Variants in SELENOI observed in about 807,000 individuals in gnomAD.
The protein encoded by SELENOI is ethanolaminephosphotransferase 1.
In SELENOI, 24 loss-of-function variants were observed where a neutral mutation model predicts 50.7. The ratio of observed to expected loss-of-function variants is 0.47; its 90% CI spans 0.34 to 0.67. SELENOI has a LOEUF of 0.67. Among genes scored for constraint, SELENOI ranks in the 30% least tolerant of loss-of-function variants. SELENOI has a pLI of 0.01. For synonymous variants in SELENOI, 155 were observed against 170.2 expected (o/e 0.91, Z 0.70); for missense variants, 352 against 461.4 (o/e 0.76, Z 2.17).
intron 1 of SELENOI, among the ~76,000 whole-genome samples, chr2:26,362,774 A>G (rs1224784804): frequency 6.6e-6 from 1 of 152,070 alleles, no homozygotes; most frequent in Non-Finnish European, 1.5e-5. Flanking sequence ...AAAAAAAAAG[A>G]AAAACTTTTT....
intron 6 of SELENOI, among the ~76,000 whole-genome samples, chr2:26,381,198 C>CTTTTTTTTTTTTTTTTTTTTTTTTT (rs57102834): frequency 6.6e-5 from 2 of 30,198 alleles, no homozygotes; most frequent in African/African-American, 3.6e-4. Context: ...TCAGTTTGGT[C>CTTTTTTTTTTTTTTTTTTTTTTTTT]TTTTTTTTTT....
In SELENOI at chr2:26,373,238, G is replaced by A. The variant is rs1677496736; in HGVS notation, c.311-129G>A. 23 of 1,115,192 alleles carry A rather than the reference G, an allele frequency of 2.1e-5. 1 individual carries two copies. In the South Asian group the frequency reaches 3.5e-4, roughly 17 times the overall value. 69.1% of individuals were successfully genotyped at this position (1,115,192 alleles called of 1,614,324 possible). ...AAATAATTAGATTTTTATAGTACCA[G>A]CTGATAGCTATACTTAACATTCCTG... is the stretch of plus-strand genomic sequence containing the variant. On this transcript the variant is annotated intron_variant, in intron 4 of 9. Transcript: ENST00000260585.
intron 6 of SELENOI, among the ~76,000 whole-genome samples, chr2:26,382,673 G>A (rs1210267810): frequency 3.3e-5 from 5 of 152,142 alleles, no homozygotes; most frequent in Non-Finnish European, 5.9e-5. Context: ...GTGTGCGAAT[G>A]GAAGTAGCTA....
rs1343455676 is a variant in SELENOI at position 26,367,188 on chromosome 2, T to C, written c.278T>C (p.Val93Ala). Residue 93 changes from valine (V) to alanine (A), a missense_variant, in exon 4 of 10, where the codon GTG (valine) becomes GCG (alanine). Transcript: ENST00000260585. ...KHVPDWVWIV[V>A]GILNFVAYTL... The stretch of plus-strand genomic sequence containing the variant: ...GTGCCTGACTGGGTTTGGATTGTAG[T>C]GGGCATCCTCAACTTCGTAGCCTAC... 6.2e-7 allele frequency: 1 copy of C among 1,611,006 alleles called. No individual in the cohort carries two copies. Among genetic ancestry groups the C allele is most frequent in the Admixed American group, 1.7e-5 (1 of 59,616 alleles).
intron 6 of SELENOI, among the ~76,000 whole-genome samples, chr2:26,376,653 GT>G (rs1366847503): frequency 6.6e-6 from 1 of 152,162 alleles, no homozygotes; most frequent in African/African-American, 2.4e-5. Flanking sequence ...ATAATATACA[GT>G]TTATTTACTT....
chr2:26,354,621 G>A (rs1677028915), intron 1 of SELENOI, among the ~76,000 whole-genome samples: 2 of 151,816 alleles, frequency 1.3e-5, no homozygotes, highest in Non-Finnish European at 2.9e-5. Flanking sequence ...TTGATCTCCT[G>A]ACTTCATGAT....
At position 26,391,833 on chromosome 2, in the gene SELENOI, T is replaced by G. The variant is rs1000546366; in HGVS notation, c.*2730T>G. On this transcript the variant is annotated 3_prime_UTR_variant, in exon 10 of 10. Transcript: ENST00000260585. ...GCTAATGCTGCCTTTTGTGATCCTT[T>G]AATATTATCCATGCTTTTATAAAGT... 5.3e-5 allele frequency: 8 copies of G among 152,204 alleles called. No individual in the cohort carries two copies. The South Asian group carries it at 1.7e-3, about 32-fold the overall frequency. The allele number at this position is 152,204 out of a possible 1,614,324, so 9.4% of individuals were successfully genotyped here.
intron 6 of SELENOI, among the ~76,000 whole-genome samples, chr2:26,377,625 C>G (rs2147958244): frequency 6.6e-6 from 1 of 151,554 alleles, no homozygotes; most frequent in Non-Finnish European, 1.5e-5. Context: ...GAGTCAGACC[C>G]TGTCTCAAAA....
chr2:26,373,755 T>C, intron 5 of SELENOI, 126 bp downstream of exon 5: 1 of 983,534 alleles, frequency 1.0e-6, no homozygotes, highest in Non-Finnish European at 1.4e-6. Context: ...AAATTTTTTA[T>C]TTTTATTTAT....
rs1290511785 is a variant in SELENOI at position 26,390,689 on chromosome 2, G to A, written c.*1586G>A. ...AATTGTAAAGGTTGAGGTGTATTTG[G>A]TGACTTTCTCTGAGACACAGATGAA... On this transcript the variant is annotated 3_prime_UTR_variant, in exon 10 of 10. Coordinates refer to ENST00000260585, the MANE Select transcript of SELENOI (RefSeq NM_033505.4). 6.6e-6 allele frequency: 1 copy of A among 152,156 alleles called. No individual in the cohort carries two copies. The highest frequency in any genetic ancestry group is 6.5e-5 in the Admixed American group (1 of 15,280). 9.4% of individuals were successfully genotyped at this position (152,156 alleles called of 1,614,324 possible).
intron 1 of SELENOI, among the ~76,000 whole-genome samples, chr2:26,359,033 G>A (rs1031768602): frequency 6.6e-6 from 1 of 152,152 alleles, no homozygotes; most frequent in Non-Finnish European, 1.5e-5. Flanking sequence ...TCAAACTGAA[G>A]CCCCCAGTCT....
chr2:26,361,196 A>G (rs1344157487), intron 1 of SELENOI, among the ~76,000 whole-genome samples: 1 of 152,264 alleles, frequency 6.6e-6, no homozygotes, highest in Non-Finnish European at 1.5e-5. Flanking sequence ...CCTGGGAGAC[A>G]GAGTGAGACT....
In SELENOI at chr2:26,380,300, TACTATA is replaced by T. The variant is rs373927261; in HGVS notation, c.683-2997_683-2992del. Reference sequence around the variant, plus strand: ...GCTTATCTTTTCATTGTTTCTTTCTTACTATAAGTAAATATTTGTGTTTCATTTTAT... The same window carrying T: ...GCTTATCTTTTCATTGTTTCTTTCTTAGTAAATATTTGTGTTTCATTTTAT... On this transcript the variant is annotated intron_variant, in intron 6 of 9. Coordinates refer to ENST00000260585, the MANE Select transcript of SELENOI (RefSeq NM_033505.4). Among the ~76,000 whole-genome samples, 579 of 152,366 alleles carry T rather than the reference TACTATA, an allele frequency of 3.8e-3. 5 individuals carry two copies. The highest frequency in any genetic ancestry group is 0.013 in the African/African-American group (555 of 41,586).
intron 1 of SELENOI, among the ~76,000 whole-genome samples, chr2:26,357,933 G>A (rs951805406): frequency 6.6e-6 from 1 of 152,068 alleles, no homozygotes; most frequent in African/African-American, 2.4e-5. Context: ...TGTTTTTGTG[G>A]TAGTAAATAA....
intron 1 of SELENOI, among the ~76,000 whole-genome samples, chr2:26,358,298 A>G (rs1296358151): frequency 1.3e-5 from 2 of 152,198 alleles, no homozygotes; most frequent in East Asian, 3.9e-4. Flanking sequence ...GAGGCAGGAG[A>G]ATCGCTTGAA....
intron 1 of SELENOI, among the ~76,000 whole-genome samples, chr2:26,352,398 A>G (rs1466879492): frequency 1.3e-5 from 2 of 152,196 alleles, no homozygotes; most frequent in Non-Finnish European, 2.9e-5. Context: ...AGGAGTGGGG[A>G]TTCTAAAGAT....
At chr2:26,352,421 A>G (rs1558410377) in intron 1 of SELENOI, among the ~76,000 whole-genome samples, 1 of 152,242 alleles carries the variant, frequency 6.6e-6, no homozygotes, top group East Asian at 1.9e-4. Flanking sequence ...ACGTCAAAAC[A>G]GGTTGACCTG....
intron 6 of SELENOI, among the ~76,000 whole-genome samples, chr2:26,379,843 C>T (rs1677647945): frequency 6.6e-6 from 1 of 152,158 alleles, no homozygotes; most frequent in Admixed American, 6.6e-5. Flanking sequence ...CTCCTTTAAA[C>T]TATGACAAAA....
chr2:26,389,090 A>G lies in SELENOI; in HGVS notation c.1181A>G (p.Asn394Ser), dbSNP rs1345125903. The change falls in exon 10 of 10, where the codon AAT becomes AGT. Residue 394 changes from asparagine (N) to serine (S), a missense_variant. Asn to Ser is a conservative substitution (Grantham distance 46). Coordinates refer to ENST00000260585, the MANE Select transcript of SELENOI (RefSeq NM_033505.4). ...NSDULGMEEK[N>S]IGL Reference sequence around the variant, plus strand: ...GATTGACTAGGAATGGAAGAAAAGAATATTGGCCTGTAATAATCTTTCTTT... The same window carrying G: ...GATTGACTAGGAATGGAAGAAAAGAGTATTGGCCTGTAATAATCTTTCTTT... 1.3e-6 allele frequency: 2 copies of G among 1,573,562 alleles called. No homozygotes were observed. The highest frequency in any genetic ancestry group is 1.3e-5 in the African/African-American group (1 of 74,170).
Sources: gnomAD v4.1 joint callset for allele counts (sites outside exome capture counted in the v4.1 genomes callset) on GRCh38, gnomAD v4.1.1 for gene constraint, MANE v1.5 for transcripts, NCBI Gene and HGNC (gene_info 2026-07-23, HGNC 2026-07-21) for gene names.